The following TCF4 variants were observed in gnomAD, a reference collection of about 807,000 sequenced individuals.
TCF4 encodes the protein SL3-3 enhancer factor 2.
TCF4 carries 3 observed loss-of-function variants against 82.1 expected under a neutral mutation model. The observed-to-expected ratio is 0.04, with a 90% CI of 0.02 to 0.09. The LOEUF (loss-of-function observed/expected upper bound fraction) is 0.09, where lower values mean the gene tolerates loss of function less well. TCF4 is among the 10% of genes least tolerant of loss of function. The pLI is 1.00. For synonymous variants in TCF4, 276 were observed against 309.6 expected (o/e 0.89, Z 1.14); for missense variants, 518 against 852.7 (o/e 0.61, Z 4.89).
At chr18:55,370,413 G>C (rs2088666132) in intron 6 of TCF4, among the ~76,000 whole-genome samples, 1 of 149,976 alleles carries the variant, frequency 6.7e-6, no homozygotes, top group African/African-American at 2.5e-5. Flanking sequence ...TAGGTATGTA[G>C]ATAGATAGAC....
At chr18:55,412,849 C>T (rs1384166236) in intron 5 of TCF4, among the ~76,000 whole-genome samples, 1 of 152,148 alleles carries the variant, frequency 6.6e-6, no homozygotes, top group East Asian at 1.9e-4. Flanking sequence ...CTGAATGTTC[C>T]ACCAGAGTCT....
At chr18:55,337,379 A>G (rs2078878650) in intron 8 of TCF4, among the ~76,000 whole-genome samples, 1 of 152,232 alleles carries the variant, frequency 6.6e-6, no homozygotes, top group South Asian at 2.1e-4. Context: ...CTCTGAGACC[A>G]TTTGGTGTTC....
At chr18:55,291,893 C>A (rs965456905) in intron 8 of TCF4, among the ~76,000 whole-genome samples, 1 of 152,038 alleles carries the variant, frequency 6.6e-6, no homozygotes, top group Non-Finnish European at 1.5e-5. Flanking sequence ...CAATAAGCAA[C>A]TAGAAAATGT....
At chr18:55,406,457 G>T (rs139915552) in intron 5 of TCF4, among the ~76,000 whole-genome samples, 144 of 152,168 alleles carry the variant, frequency 9.5e-4, no homozygotes, top group African/African-American at 2.8e-3. Flanking sequence ...TTCTAGAAAA[G>T]AAACTATCTT....
intron 2 of TCF4, 129 bp downstream of exon 2, chr18:55,586,916 T>A: frequency 1.3e-6 from 1 of 793,274 alleles, no homozygotes; most frequent in South Asian, 1.5e-5. Flanking sequence ...GACCTTCATA[T>A]TTACCAAGGA....
At chr18:55,275,890 C>T (rs929921151) in intron 9 of TCF4, 138 bp from the exon 10 acceptor site, 6 of 1,089,082 alleles carry the variant, frequency 5.5e-6, no homozygotes, top group Non-Finnish European at 8.3e-6. Context: ...CATCAGAAGA[C>T]AGTCATCATT....
intron 5 of TCF4, among the ~76,000 whole-genome samples, chr18:55,421,161 C>A (rs1376019817): frequency 6.6e-6 from 1 of 152,042 alleles, no homozygotes; most frequent in East Asian, 1.9e-4. Context: ...GACAGAGCCA[C>A]CATAATCTTT....
intron 6 of TCF4, chr18:55,401,980 T>G: frequency 1.0e-6 from 1 of 963,910 alleles, no homozygotes; most frequent in Non-Finnish European, 1.2e-6. Context: ...CTGCAGGAAC[T>G]GAGAGCTTTA....
At chr18:55,459,536 CA>C (rs1180343131) in intron 5 of TCF4, among the ~76,000 whole-genome samples, 1 of 152,130 alleles carries the variant, frequency 6.6e-6, no homozygotes, top group East Asian at 1.9e-4. Flanking sequence ...TGCTACTTCT[CA>C]AGACTACATT....
chr18:55,495,126 A>G (rs1211164711), intron 3 of TCF4, among the ~76,000 whole-genome samples: 3 of 152,046 alleles, frequency 2.0e-5, no homozygotes, highest in African/African-American at 7.2e-5. Flanking sequence ...CCAATTCACA[A>G]CCTGTTTGAT....
At chr18:55,359,092 T>C (rs2084375591) in intron 6 of TCF4, among the ~76,000 whole-genome samples, 1 of 152,190 alleles carries the variant, frequency 6.6e-6, no homozygotes, top group Admixed American at 6.5e-5. Context: ...AGATTATATA[T>C]ATTTCTAATA....
intron 8 of TCF4, among the ~76,000 whole-genome samples, chr18:55,335,971 G>C (rs1299997687): frequency 1.3e-5 from 2 of 151,590 alleles, no homozygotes; most frequent in South Asian, 4.2e-4. Flanking sequence ...GTGATAAGCA[G>C]CTTAGACATC....
At chr18:55,381,965 T>G (rs570246678) in intron 6 of TCF4, among the ~76,000 whole-genome samples, 39 of 151,996 alleles carry the variant, frequency 2.6e-4, no homozygotes, top group Non-Finnish European at 4.9e-4. Flanking sequence ...AAACTTTGAC[T>G]AGTACTGGAC....
intron 15 of TCF4, among the ~76,000 whole-genome samples, chr18:55,246,153 C>T (rs1251464564): frequency 6.6e-6 from 1 of 151,852 alleles, no homozygotes; most frequent in Non-Finnish European, 1.5e-5. Context: ...GTCTGCCTGC[C>T]TTTTCCTCCA....
At chr18:55,511,331 T>A (rs2957261) in intron 3 of TCF4, among the ~76,000 whole-genome samples, 46,685 of 131,166 alleles carry the variant, frequency 0.36, 10,089 homozygotes, top group African/African-American at 0.57. Context: ...TCCAAAAGTT[T>A]AAAAAAAAAA....
At chr18:55,415,045 T>C (rs886260700) in intron 5 of TCF4, among the ~76,000 whole-genome samples, 1 of 152,210 alleles carries the variant, frequency 6.6e-6, no homozygotes, top group African/African-American at 2.4e-5. Flanking sequence ...TATTTCAAAA[T>C]TTCAATGACT....
intron 6 of TCF4, among the ~76,000 whole-genome samples, chr18:55,364,933 G>A (rs2086451346): frequency 6.6e-6 from 1 of 151,612 alleles, no homozygotes; most frequent in Admixed American, 6.6e-5. Context: ...ACTGAGGCAG[G>A]CAGATCACAA....
intron 5 of TCF4, among the ~76,000 whole-genome samples, chr18:55,420,467 G>A (rs868806985): frequency 3.9e-5 from 6 of 152,074 alleles, no homozygotes; most frequent in Non-Finnish European, 8.8e-5. Flanking sequence ...CCTTGATCAC[G>A]GGACAACGAA....
In TCF4 at chr18:55,535,549, GT is replaced by G. The variant is rs201693172; in HGVS notation, c.145+49730del. On this transcript the variant is annotated intron_variant, in intron 3 of 19. Transcript: ENST00000354452. ...TAACACTACCAAGCTTTAAAAATTA[GT>G]TTTCTTACTCTTTTCATTGTCTGTG... Among the ~76,000 whole-genome samples the G allele has an allele frequency of 6.9e-4, 105 of 152,272 alleles. 3 individuals are homozygous for G. In the East Asian group the frequency reaches 0.019, roughly 27 times the overall value.
Sources: gnomAD v4.1 joint callset for allele counts (sites outside exome capture counted in the v4.1 genomes callset) on GRCh38, gnomAD v4.1.1 for gene constraint, MANE v1.5 for transcripts, NCBI Gene and HGNC (gene_info 2026-07-23, HGNC 2026-07-21) for gene names.